ASXL1: variants seen among roughly 807,000 people sequenced by gnomAD.
ASXL1 encodes ASXL transcriptional regulator 1.
Under a neutral mutation model 89.1 loss-of-function variants are expected in ASXL1, and 65 were observed. That is an observed-to-expected ratio of 0.73 (90% CI 0.60 to 0.90). The LOEUF (loss-of-function observed/expected upper bound fraction) is 0.90, where lower values mean the gene tolerates loss of function less well. Among genes scored for constraint, ASXL1 ranks in the 40% least tolerant of loss-of-function variants. The probability of loss-of-function intolerance (pLI) is 0.00; values close to 1 mark genes in which losing one functional copy is unlikely to be tolerated. For synonymous variants in ASXL1, 739 were observed against 746.9 expected, an observed-to-expected ratio of 0.99 and a Z score of 0.17; for missense variants, 1,786 against 1,942.9, an observed-to-expected ratio of 0.92 and a Z score of 1.52.
At chr20:32,389,280 T>C (rs1282477444) in intron 4 of ASXL1, among the ~76,000 whole-genome samples, 1 of 152,232 alleles carries the variant, frequency 6.6e-6, no homozygotes, top group Non-Finnish European at 1.5e-5. Context: ...TCTATGTTGG[T>C]GCATTTATAG....
intron 4 of ASXL1, among the ~76,000 whole-genome samples, chr20:32,400,694 T>C (rs2048857729): frequency 6.6e-6 from 1 of 152,226 alleles, no homozygotes; most frequent in Non-Finnish European, 1.5e-5. Flanking sequence ...TATTGTCCCA[T>C]GAATTCTAGC....
rs764844021 is a variant in ASXL1 at position 32,434,949 on chromosome 20, C to T, written c.2237C>T (p.Ala746Val). ...TVGLTDGLGDASQLPVAPTGD... is the reference protein window; with the variant it reads ...TVGLTDGLGDVSQLPVAPTGD... Reference sequence around the variant, plus strand: ...GGACTCACAGATGGGCTAGGAGATGCCTCCCAACTCCCCGTTGCTCCCACT... The same window carrying T: ...GGACTCACAGATGGGCTAGGAGATGTCTCCCAACTCCCCGTTGCTCCCACT... The change falls in exon 13 of 13, where the codon GCC becomes GTC. Residue 746 changes from alanine to valine, a missense_variant. Ala to Val is a moderately conservative substitution (Grantham distance 64). Transcript: ENST00000375687. 34 of 1,614,142 alleles carry T rather than the reference C, an allele frequency of 2.1e-5. No homozygotes were observed. The highest frequency in any genetic ancestry group is 2.7e-5 in the Non-Finnish European group (32 of 1,180,010).
At chr20:32,403,408 TTTTA>T (rs1286401407) in intron 4 of ASXL1, among the ~76,000 whole-genome samples, 2 of 151,844 alleles carry the variant, frequency 1.3e-5, no homozygotes, top group Non-Finnish European at 2.9e-5. Flanking sequence ...TACATGGAAA[TTTTA>T]TTTATTTATT....
At chr20:32,403,572 T>C (rs1397046033) in intron 4 of ASXL1, among the ~76,000 whole-genome samples, 1 of 151,978 alleles carries the variant, frequency 6.6e-6, no homozygotes, top group East Asian at 1.9e-4. Context: ...ACACCACCAC[T>C]CCCAGCTAAT....
At chr20:32,412,206 C>G (rs1398624133) in intron 4 of ASXL1, among the ~76,000 whole-genome samples, 1 of 152,162 alleles carries the variant, frequency 6.6e-6, no homozygotes, top group Non-Finnish European at 1.5e-5. Flanking sequence ...GGGTTTCATT[C>G]TAACTTTACC....
intron 1 of ASXL1, among the ~76,000 whole-genome samples, chr20:32,364,077 T>C (rs1226400945): frequency 1.3e-5 from 2 of 152,154 alleles, no homozygotes; most frequent in Admixed American, 6.5e-5. Context: ...TGGGTTGTAA[T>C]TGCCCCAGTT....
chr20:32,358,913 G>A, intron 1 of ASXL1, 81 bp downstream of exon 1: 2 of 1,358,400 alleles, frequency 1.5e-6, no homozygotes, highest in Non-Finnish European at 1.9e-6. Flanking sequence ...GGGGGGGGAG[G>A]GGCAAGGCCC....
At chr20:32,433,251 C>G (rs1327598331) in intron 11 of ASXL1, 33 bp from the exon 12 acceptor site, 2 of 1,613,924 alleles carry the variant, frequency 1.2e-6, no homozygotes, top group Non-Finnish European at 1.7e-6. Flanking sequence ...TCCACTCTGG[C>G]CTGAAACTGA....
At chr20:32,374,569 A>G (rs553130398) in intron 4 of ASXL1, among the ~76,000 whole-genome samples, 4 of 152,202 alleles carry the variant, frequency 2.6e-5, no homozygotes, top group Non-Finnish European at 5.9e-5. Context: ...TGCTGGGATT[A>G]CAGGTGTGAG....
intron 1 of ASXL1, chr20:32,360,066 CAAAAA>C (rs3215635): frequency 1.2e-5 from 4 of 329,988 alleles, no homozygotes; most frequent in South Asian, 4.1e-5. Context: ...AGGTGTTGTG[CAAAAA>C]AAAAAAAAAT....
intron 1 of ASXL1, among the ~76,000 whole-genome samples, chr20:32,364,301 C>G (rs1161985415): frequency 3.2e-4 from 48 of 151,624 alleles, no homozygotes; most frequent in Non-Finnish European, 1.5e-5. Flanking sequence ...CTGCAGCTTC[C>G]ACTTCCTGGG....
At chr20:32,394,344 G>A (rs2048725144) in intron 4 of ASXL1, among the ~76,000 whole-genome samples, 1 of 152,116 alleles carries the variant, frequency 6.6e-6, no homozygotes, top group Admixed American at 6.5e-5. Flanking sequence ...TGCCATGTTG[G>A]CCAAGCAGGT....
rs185726095 is a variant in ASXL1, at chr20:32,431,764, C to T, written c.979+85C>T. 57 of 1,395,802 alleles carry T rather than the reference C, an allele frequency of 4.1e-5. No individual in the cohort carries two copies. In the Admixed American group the frequency reaches 5.5e-4, roughly 13 times the overall value. The allele number at this position is 1,395,802 out of a possible 1,614,324, so 86.5% of individuals were successfully genotyped here. On this transcript the variant is annotated intron_variant, in intron 10 of 12. Transcript: ENST00000375687. ...TCTCCTGGTATTTAAAACCCAAGCT[C>T]GCTCTTCTCAAAGGGTTATTTAGTA...
rs74724944 is a variant in ASXL1 at position 32,409,888 on chromosome 20, G to C, written c.253-18240G>C. 9.5e-3 allele frequency among the ~76,000 whole-genome samples: 1,445 copies of C among 152,150 alleles called. 14 individuals are homozygous for C. Among genetic ancestry groups the C allele is most frequent in the African/African-American group, 0.023 (950 of 41,486 alleles). On this transcript the variant is annotated intron_variant, in intron 4 of 12. Coordinates refer to ENST00000375687, the MANE Select transcript of ASXL1 (RefSeq NM_015338.6). ...TGTCAAATCTCATTTTCTTTAATCT[G>C]AAAAAGTTCTCACAAACATTGTCTT...
rs773395454 is a variant in ASXL1 at position 32,434,639 on chromosome 20, G to T, written c.1927G>T (p.Gly643Trp). 7 of 1,593,594 alleles carry T rather than the reference G, an allele frequency of 4.4e-6. No individual in the cohort carries two copies. The highest frequency in any genetic ancestry group is 6.0e-6 in the Non-Finnish European group (7 of 1,169,200). Reference protein sequence around the residue: ...HREAATTAIGGGGGPGGGGGG... With the variant: ...HREAATTAIGWGGGPGGGGGG... The stretch of plus-strand genomic sequence containing the variant: ...AGAGGCGGCCACCACTGCCATCGGA[G>T]GGGGGGGTGGCCCGGGTGGAGGTGG... Residue 643 changes from glycine to tryptophan, a missense_variant, in exon 13 of 13, where the codon GGG (glycine) becomes TGG (tryptophan). Gly to Trp is a radical substitution (Grantham distance 184). Around this residue, in one of 3 missense-constraint regions of ASXL1, gnomAD observed 1,418 missense variants for 1,427.8 expected, o/e 0.99. Coordinates refer to ENST00000375687, the MANE Select transcript of ASXL1 (RefSeq NM_015338.6).
chr20:32,392,052 T>G (rs1018188983), intron 4 of ASXL1, among the ~76,000 whole-genome samples: 3 of 152,056 alleles, frequency 2.0e-5, no homozygotes, highest in Admixed American at 6.6e-5. Flanking sequence ...TTACTTGGGA[T>G]GCTTGGACCA....
intron 4 of ASXL1, among the ~76,000 whole-genome samples, chr20:32,408,801 T>C (rs967094012): frequency 6.6e-6 from 1 of 152,162 alleles, no homozygotes; most frequent in Non-Finnish European, 1.5e-5. Flanking sequence ...TAGGATTATG[T>C]TGACTTTGTA....
At chr20:32,418,668 A>G (rs1315878554) in intron 4 of ASXL1, among the ~76,000 whole-genome samples, 1 of 151,692 alleles carries the variant, frequency 6.6e-6, no homozygotes, top group Non-Finnish European at 1.5e-5. Context: ...CTAAAAAGCA[A>G]CTCCTCTCAT....
chr20:32,376,716 T>A (rs1023119591), intron 4 of ASXL1, among the ~76,000 whole-genome samples: 27 of 151,042 alleles, frequency 1.8e-4, no homozygotes, highest in Non-Finnish European at 3.7e-4. Flanking sequence ...TTGTTAAGTT[T>A]TTTCTCCTCC....
Sources: gnomAD v4.1 joint callset for allele counts (sites outside exome capture counted in the v4.1 genomes callset) on GRCh38, gnomAD v4.1.1 for gene constraint, gnomAD v4.1.1 regional missense constraint, MANE v1.5 for transcripts, NCBI Gene and HGNC (gene_info 2026-07-23, HGNC 2026-07-21) for gene names.